The following UPK3A variants were observed in gnomAD, a reference collection of about 807,000 sequenced individuals.
UPK3A encodes uroplakin 3A, also known as uroplakin-3a.
Under a neutral mutation model 27.6 loss-of-function variants are expected in UPK3A, and 32 were observed. The ratio of observed to expected loss-of-function variants is 1.16; its 90% CI spans 0.87 to 1.55. The LOEUF is 1.55. UPK3A is among the 40% of genes most tolerant of loss of function. The pLI is 0.00. For missense variants in UPK3A, 370 were observed against 367.9 expected, an observed-to-expected ratio of 1.01 and a Z score of -0.05; for synonymous variants, 171 against 163.9, an observed-to-expected ratio of 1.04 and a Z score of -0.33.
intron 5 of UPK3A, among the ~76,000 whole-genome samples, chr22:45,294,701 A>C (rs2084183504): frequency 6.6e-6 from 1 of 152,012 alleles, no homozygotes; most frequent in African/African-American, 2.4e-5. Flanking sequence ...AGACCCTGCT[A>C]TCTGAAATTA....
intron 4 of UPK3A, among the ~76,000 whole-genome samples, chr22:45,290,116 TG>T (rs1396646023): frequency 6.6e-6 from 1 of 152,236 alleles, no homozygotes; most frequent in African/African-American, 2.4e-5. Context: ...GCGGCTTTCC[TG>T]AGGTGGAACG....
Position 45,289,262 on chromosome 22 carries a change from A to G in UPK3A, c.571+119A>G, listed in dbSNP as rs540831026. 224 of 970,744 alleles carry G rather than the reference A, an allele frequency of 2.3e-4. 8 individuals are homozygous for G. In the South Asian group the frequency reaches 3.0e-3, roughly 13 times the overall value. 60.1% of individuals were successfully genotyped at this position (970,744 alleles called of 1,614,324 possible). ...TGAAAGCCTCCCAGGCCAGGCAGTG[A>G]TGAGTAAAATGCTCCTTAAAGCTGT... On this transcript the variant is annotated intron_variant, in intron 4 of 5. Transcript: ENST00000216211.
intron 5 of UPK3A, 115 bp from the exon 6 acceptor site, chr22:45,295,445 C>G (rs1470437020): frequency 8.7e-7 from 1 of 1,153,018 alleles, no homozygotes; most frequent in Non-Finnish European, 1.3e-6. Flanking sequence ...GAATTCATGT[C>G]TACGAAGACG....
chr22:45,290,557 G>C (rs1396816825), intron 4 of UPK3A, among the ~76,000 whole-genome samples: 1 of 152,132 alleles, frequency 6.6e-6, no homozygotes, highest in South Asian at 2.1e-4. Flanking sequence ...AGTGGTGTGT[G>C]AGTGTGAGAA....
At chr22:45,285,131 C>A in intron 1 of UPK3A, 66 bp downstream of exon 1, 1 of 1,426,810 alleles carries the variant, frequency 7.0e-7, no homozygotes, top group Non-Finnish European at 9.4e-7. Context: ...CTGGGGCGCC[C>A]GCCGCCTGGA....
chr22:45,295,460 C>T, intron 5 of UPK3A, 100 bp from the exon 6 acceptor site: 1 of 1,273,896 alleles, frequency 7.8e-7, no homozygotes, highest in Non-Finnish European at 1.1e-6. Context: ...AAGACGATAT[C>T]TGTGAAAGCT....
chr22:45,295,811 G>A lies in UPK3A; in HGVS notation c.*92G>A, dbSNP rs2084191710. Reference sequence around the variant, plus strand: ...TTGTCACACCCTGACTTCAGGGAAGGTGAAACAGGGCTTGTCCCTCCAACT... The same window carrying A: ...TTGTCACACCCTGACTTCAGGGAAGATGAAACAGGGCTTGTCCCTCCAACT... On this transcript the variant is annotated 3_prime_UTR_variant, in exon 6 of 6. Coordinates refer to ENST00000216211, the MANE Select transcript of UPK3A (RefSeq NM_006953.4). The A allele has an allele frequency of 6.7e-7, 1 of 1,495,146 alleles. No individual in the cohort carries two copies. The highest frequency in any genetic ancestry group is 1.1e-5 in the South Asian group (1 of 87,356). The allele number at this position is 1,495,146 out of a possible 1,614,324, so 92.6% of individuals were successfully genotyped here. A position where few individuals can be genotyped will look rare whatever the true frequency, so the allele number is the denominator to read the frequency against.
In UPK3A at chr22:45,286,101, G is replaced by C. The variant is rs374552066; in HGVS notation, c.208+5G>C. On this transcript the variant is annotated splice_donor_5th_base_variant and intron_variant, in intron 2 of 5. Coordinates refer to ENST00000216211, the MANE Select transcript of UPK3A (RefSeq NM_006953.4). ...TGTATGTCCTGGTCGACTCAGGTAA[G>C]GGTCCTGCTTCCCTCTGGCTACTCC... 1 of 1,613,986 alleles carries C rather than the reference G, an allele frequency of 6.2e-7. No homozygotes were observed. The highest frequency in any genetic ancestry group is 8.5e-7 in the Non-Finnish European group (1 of 1,179,990).
At chr22:45,293,922 C>A (rs1228396601) in intron 5 of UPK3A, among the ~76,000 whole-genome samples, 1 of 152,080 alleles carries the variant, frequency 6.6e-6, no homozygotes, top group Non-Finnish European at 1.5e-5. Flanking sequence ...TTTGTGTCGC[C>A]TTTGGATGAG....
rs930335859 is a variant in UPK3A at position 45,293,030 on chromosome 22, T to C, written c.572-151T>C. The stretch of plus-strand genomic sequence containing the variant: ...AATGTGGGGGAAAATAAGGTAATTG[T>C]GCCTAAAACCTGAGAGAAGTCGCCC... On this transcript the variant is annotated intron_variant, in intron 4 of 5. Transcript: ENST00000216211. 14 of 1,081,652 alleles carry C rather than the reference T, an allele frequency of 1.3e-5. No homozygotes were observed. In the African/African-American group the frequency reaches 2.0e-4, roughly 16 times the overall value. The allele number at this position is 1,081,652 out of a possible 1,614,324, so 67.0% of individuals were successfully genotyped here. A position where few individuals can be genotyped will look rare whatever the true frequency, so the allele number is the denominator to read the frequency against.
chr22:45,292,129 T>C (rs1413371025), intron 4 of UPK3A, among the ~76,000 whole-genome samples: 4 of 152,306 alleles, frequency 2.6e-5, no homozygotes, highest in African/African-American at 9.6e-5. Flanking sequence ...CTCACTGCGG[T>C]GTGAGCCGTT....
At chr22:45,287,115 G>A in intron 2 of UPK3A, 57 bp from the exon 3 acceptor site, 1 of 1,610,696 alleles carries the variant, frequency 6.2e-7, no homozygotes. Context: ...GAATAACTGA[G>A]TGAGTGTCGC....
In UPK3A at chr22:45,295,490, C is replaced by G. The variant is rs2147799596; in HGVS notation, c.705-70C>G. 2 of 1,561,618 alleles carry G rather than the reference C, an allele frequency of 1.3e-6. 1 individual carries two copies. On this transcript the variant is annotated intron_variant, in intron 5 of 5. Coordinates refer to ENST00000216211, the MANE Select transcript of UPK3A (RefSeq NM_006953.4). ...AAAGCTATGTCTGAGTATGAAGGTCCCCAAGCAGCTAAAGGCATTTGGGTT... is the reference window on the plus strand; with the variant it reads ...AAAGCTATGTCTGAGTATGAAGGTCGCCAAGCAGCTAAAGGCATTTGGGTT...
Position 45,295,652 on chromosome 22 carries a change from A to T in UPK3A, c.797A>T (p.Tyr266Phe). The change falls in exon 6 of 6, where the codon TAC becomes TTC. Residue 266 changes from tyrosine to phenylalanine, a missense_variant. Physicochemically the swap from Tyr to Phe is conservative, Grantham distance 22 (BLOSUM62 3). Transcript: ENST00000216211. ...TCGCTGGGGGCCTCGGAGTCTTCCT[A>T]CACGTCCGTGAACCGGGGGCCGCCA... Reference protein sequence around the residue: ...PKSLGASESSYTSVNRGPPLD... With the variant: ...PKSLGASESSFTSVNRGPPLD... 6.2e-7 allele frequency: 1 copy of T among 1,613,860 alleles called. No individual in the cohort carries two copies. The highest frequency in any genetic ancestry group is 8.5e-7 in the Non-Finnish European group (1 of 1,179,996).
At chr22:45,285,812 C>A in intron 1 of UPK3A, 129 bp from the exon 2 acceptor site, 1 of 1,351,792 alleles carries the variant, frequency 7.4e-7, no homozygotes. Context: ...TCTGAGACAG[C>A]TTATGCGGTG....
chr22:45,289,710 C>T lies in UPK3A; in HGVS notation c.571+567C>T, dbSNP rs184053580. ...CAGAGGTTGCAGTGAGCCGAGATCA[C>T]GCCACAGCACTCCAGCCTGGTGACA... On this transcript the variant is annotated intron_variant, in intron 4 of 5. Transcript: ENST00000216211. Among the ~76,000 whole-genome samples the T allele has an allele frequency of 2.1e-3, 316 of 151,184 alleles. 1 individual carries two copies. Among genetic ancestry groups the T allele is most frequent in the African/African-American group, 7.0e-3 (289 of 41,140 alleles).
chr22:45,295,731 C>T lies in UPK3A; in HGVS notation c.*12C>T, dbSNP rs1315141395. On this transcript the variant is annotated 3_prime_UTR_variant, in exon 6 of 6. Transcript: ENST00000216211. ...AGCTCCAAGACTGAGCCCAGCACCACCCCTGGGCAGCAGCATCCTCCTCTC... is the reference window on the plus strand; with the variant it reads ...AGCTCCAAGACTGAGCCCAGCACCATCCCTGGGCAGCAGCATCCTCCTCTC... 6.2e-7 allele frequency: 1 copy of T among 1,613,454 alleles called. No homozygotes were observed.
rs779158798 is a variant in UPK3A, at chr22:45,287,324, G to T, written c.361G>T (p.Asp121Tyr). 1.1e-5 allele frequency: 17 copies of T among 1,614,096 alleles called. No individual in the cohort carries two copies. Among genetic ancestry groups the T allele is most frequent in the South Asian group, 7.7e-5 (7 of 91,092 alleles). The change falls in exon 3 of 6, where the codon GAT becomes TAT. Residue 121 changes from aspartate to tyrosine, a missense_variant. Transcript: ENST00000216211. ...CCTGCCCAGCCTGGATGCCATTGGG[G>T]ATGTGTCCAAGGCCTCACAGATCCT... is the stretch of plus-strand genomic sequence containing the variant. ...SDLPSLDAIGDVSKASQILNA... is the reference protein window; with the variant it reads ...SDLPSLDAIGYVSKASQILNA...
chr22:45,287,748 C>T (rs1314001409), intron 3 of UPK3A, among the ~76,000 whole-genome samples: 3 of 152,066 alleles, frequency 2.0e-5, no homozygotes, highest in Non-Finnish European at 4.4e-5. Context: ...CTGCAACCTC[C>T]GCCTCCCAGG....
Sources: gnomAD v4.1 joint callset for allele counts (sites outside exome capture counted in the v4.1 genomes callset) on GRCh38, gnomAD v4.1.1 for gene constraint, MANE v1.5 for transcripts, NCBI Gene and HGNC (gene_info 2026-07-23, HGNC 2026-07-21) for gene names.